RAMP1: variants seen among roughly 807,000 people sequenced by gnomAD.
The protein encoded by RAMP1 is receptor activity-modifying protein 1.
In RAMP1, 7 loss-of-function variants were observed where a neutral mutation model predicts 8.2. The observed-to-expected ratio is 0.85, with a 90% confidence interval of 0.49 to 1.60. The LOEUF is 1.60. RAMP1 is among the 40% of genes most tolerant of loss of function. The pLI, the probability that RAMP1 is intolerant of heterozygous loss-of-function variation, is 0.00. For missense variants in RAMP1, 192 were observed against 202.4 expected (o/e 0.95, Z 0.31); for synonymous variants, 92 against 84.7 (o/e 1.09, Z -0.47).
intron 1 of RAMP1, among the ~76,000 whole-genome samples, chr2:237,875,254 T>C (rs1576538664): frequency 6.6e-6 from 1 of 151,622 alleles, no homozygotes; most frequent in South Asian, 2.1e-4. Context: ...GGGTGGGGGG[T>C]GCATCCACAG....
intron 2 of RAMP1, among the ~76,000 whole-genome samples, chr2:237,881,762 AG>A (rs1354422207): frequency 6.6e-6 from 1 of 151,972 alleles, no homozygotes; most frequent in Non-Finnish European, 1.5e-5. Context: ...TCGTTTTTAA[AG>A]AGTTCTTTGT....
intron 2 of RAMP1, among the ~76,000 whole-genome samples, chr2:237,889,739 C>T (rs1306778204): frequency 6.6e-6 from 1 of 152,122 alleles, no homozygotes; most frequent in Non-Finnish European, 1.5e-5. Context: ...GCAATCCTCC[C>T]ACCTCAGCCT....
chr2:237,895,190 G>T (rs1006707992), intron 2 of RAMP1, among the ~76,000 whole-genome samples: 32 of 152,092 alleles, frequency 2.1e-4, no homozygotes, highest in African/African-American at 7.5e-4. Flanking sequence ...CGAGACAGGA[G>T]GCCACGTGTT....
intron 2 of RAMP1, among the ~76,000 whole-genome samples, chr2:237,899,525 A>T (rs149514802): frequency 0.012 from 1,859 of 152,340 alleles, 16 homozygotes; most frequent in Non-Finnish European, 0.02. Context: ...GGTGTATTAA[A>T]GTGTGATTTT....
intron 2 of RAMP1, among the ~76,000 whole-genome samples, chr2:237,908,334 C>T (rs764935078): frequency 1.3e-5 from 2 of 151,714 alleles, no homozygotes; most frequent in South Asian, 2.1e-4. Flanking sequence ...AGCATTCCTA[C>T]CCCTCTTCCC....
chr2:237,864,791 G>T, intron 1 of RAMP1, among the ~76,000 whole-genome samples: 1 of 152,348 alleles, frequency 6.6e-6, no homozygotes, highest in South Asian at 2.1e-4. Context: ...CTTAAATGCA[G>T]CAGGAAATAA....
chr2:237,910,480 C>A (rs2062699624), intron 2 of RAMP1, among the ~76,000 whole-genome samples: 1 of 151,832 alleles, frequency 6.6e-6, no homozygotes, highest in Admixed American at 6.6e-5. Flanking sequence ...AACAGTCACA[C>A]CCACACACAG....
rs764828803 is a variant in RAMP1 at position 237,877,399 on chromosome 2, G to A, written c.191+37G>A. 43 of 1,590,808 alleles carry A rather than the reference G, an allele frequency of 2.7e-5. No individual in the cohort carries two copies. The highest frequency in any genetic ancestry group is 1.1e-5 in the Non-Finnish European group (13 of 1,168,214). On this transcript the variant is annotated intron_variant, in intron 2 of 2. Coordinates refer to ENST00000254661, the MANE Select transcript of RAMP1 (RefSeq NM_005855.4). This position sits in a 1 kb window ranked among gnomAD's most constrained non-coding sequence, Gnocchi z 4.4. ...GGCCCCTGGTGGGCAGGACACGGTT[G>A]GGGAGGGAGAGGGGGCAAGCGGAGG... is the stretch of plus-strand genomic sequence containing the variant.
Position 237,884,553 on chromosome 2 carries a change from G to A in RAMP1, c.191+7191G>A, listed in dbSNP as rs376220815. ...AATAAGAAATGCTCGGTTGATTTAA[G>A]AGGGAAGGGGACACGCCTATTCCAC... On this transcript the variant is annotated intron_variant, in intron 2 of 2. Coordinates refer to ENST00000254661, the MANE Select transcript of RAMP1 (RefSeq NM_005855.4). Among the ~76,000 whole-genome samples, 19 of 152,310 alleles carry A rather than the reference G, an allele frequency of 1.2e-4. No homozygotes were observed. In the South Asian group the frequency reaches 3.7e-3, roughly 30 times the overall value.
At chr2:237,910,748 A>C (rs2062704073) in intron 2 of RAMP1, among the ~76,000 whole-genome samples, 2 of 151,994 alleles carry the variant, frequency 1.3e-5, no homozygotes, top group Admixed American at 1.3e-4. Flanking sequence ...ACAGTCACAC[A>C]GAAAATAGTC....
chr2:237,886,201 T>C (rs1026464688), intron 2 of RAMP1, among the ~76,000 whole-genome samples: 3 of 152,138 alleles, frequency 2.0e-5, no homozygotes, highest in Admixed American at 6.5e-5. Context: ...ATGCCGGCCC[T>C]GCCCAGGCCG....
chr2:237,911,401 G>T, intron 2 of RAMP1, 127 bp from the exon 3 acceptor site: 1 of 1,343,320 alleles, frequency 7.4e-7, no homozygotes, highest in Admixed American at 2.2e-5. Context: ...CACTGCCTCG[G>T]CGTCGGGGCT....
chr2:237,878,436 T>C lies in RAMP1; in HGVS notation c.191+1074T>C, dbSNP rs770179989. 4.6e-4 allele frequency among the ~76,000 whole-genome samples: 70 copies of C among 152,338 alleles called. No individual in the cohort carries two copies. Among genetic ancestry groups the C allele is most frequent in the Middle Eastern group, 3.4e-3 (1 of 294 alleles). Reference sequence around the variant, plus strand: ...ATTCTGTGGGGTTGAAGACCCCTAGTTGGACTCGTCACCCCTCCCCTGTGG... The same window carrying C: ...ATTCTGTGGGGTTGAAGACCCCTAGCTGGACTCGTCACCCCTCCCCTGTGG... On this transcript the variant is annotated intron_variant, in intron 2 of 2. Transcript: ENST00000254661. The surrounding 1 kb of genome is among the most constrained non-coding windows in gnomAD (Gnocchi z 5.7).
rs373719548 is a variant in RAMP1 at position 237,877,338 on chromosome 2, G to T, written c.167G>T (p.Trp56Leu). 1.1e-5 allele frequency: 17 copies of T among 1,613,486 alleles called. No individual in the cohort carries two copies. Among genetic ancestry groups the T allele is most frequent in the Non-Finnish European group, 1.2e-5 (14 of 1,179,810 alleles). The change falls in exon 2 of 3, where the codon TGG (tryptophan) becomes TTG (leucine). Residue 56 changes from tryptophan (W) to leucine (L), a missense_variant. By Grantham distance (61) the Trp-to-Leu change is moderately conservative. Coordinates refer to ENST00000254661, the MANE Select transcript of RAMP1 (RefSeq NM_005855.4). This position sits in a 1 kb window ranked among gnomAD's most constrained non-coding sequence, Gnocchi z 4.4. ...VDMEAVGETL[W>L]CDWGRTIRSY... ...ATGGAGGCCGTCGGGGAGACGCTGT[G>T]GTGTGACTGGGGCAGGACCATCAGG...
chr2:237,883,841 GAA>G (rs1044563945), intron 2 of RAMP1, among the ~76,000 whole-genome samples: 2 of 86,846 alleles, frequency 2.3e-5, no homozygotes, highest in Admixed American at 1.2e-4. Flanking sequence ...GAAAAGAAAA[GAA>G]AAAAAAAAAA....
Position 237,911,631 on chromosome 2 carries a change from CG to C in RAMP1, c.296del (p.Arg99ProfsTer31). ...VDRFFLAVHG[R>X]YFRSCPISGR... Reference sequence around the variant, plus strand: ...CAGGTTCTTCCTGGCAGTGCATGGCCGCTACTTCAGGAGCTGCCCCATCTCA... The same window carrying C: ...CAGGTTCTTCCTGGCAGTGCATGGCCCTACTTCAGGAGCTGCCCCATCTCA... On this transcript the variant is annotated frameshift_variant, in exon 3 of 3. Coordinates refer to ENST00000254661, the MANE Select transcript of RAMP1 (RefSeq NM_005855.4). LOFTEE classifies it low-confidence loss of function (END_TRUNC). 6.2e-7 allele frequency: 1 copy of C among 1,614,094 alleles called. No individual in the cohort carries two copies. The highest frequency in any genetic ancestry group is 8.5e-7 in the Non-Finnish European group (1 of 1,180,002).
In RAMP1 at chr2:237,912,074, G is replaced by A; in HGVS notation, c.*291G>A. The A allele has an allele frequency of 2.2e-6, 1 of 450,836 alleles. No homozygotes were observed. The highest frequency in any genetic ancestry group is 3.5e-5 in the East Asian group (1 of 28,652). The allele number at this position is 450,836 out of a possible 1,614,324, so 27.9% of individuals were successfully genotyped here. A position where few individuals can be genotyped will look rare whatever the true frequency, so the allele number is the denominator to read the frequency against. On this transcript the variant is annotated 3_prime_UTR_variant, in exon 3 of 3. Coordinates refer to ENST00000254661, the MANE Select transcript of RAMP1 (RefSeq NM_005855.4). ...TTACCCCATAGCCACATTTGTGGAT[G>A]AGTGGTTTGTGATTAAAAGGGATGT...
intron 2 of RAMP1, among the ~76,000 whole-genome samples, chr2:237,908,729 A>G (rs1001481595): frequency 8.5e-5 from 13 of 152,090 alleles, no homozygotes; most frequent in Admixed American, 5.2e-4. Flanking sequence ...AAGCCACCAC[A>G]CCCAGCCAAG....
chr2:237,891,392 C>G (rs1054679784), intron 2 of RAMP1, among the ~76,000 whole-genome samples: 1 of 152,164 alleles, frequency 6.6e-6, no homozygotes, highest in Non-Finnish European at 1.5e-5. Flanking sequence ...CCTCGTGATC[C>G]GCCTGCCTCG....
Sources: gnomAD v4.1 joint callset for allele counts (sites outside exome capture counted in the v4.1 genomes callset) on GRCh38, gnomAD v4.1.1 for gene constraint, Gnocchi (gnomAD v3.1) non-coding constraint, MANE v1.5 for transcripts, NCBI Gene and HGNC (gene_info 2026-07-23, HGNC 2026-07-21) for gene names.